NRG1: variants seen among roughly 807,000 people sequenced by gnomAD.
NRG1 encodes the protein neuregulin 1.
A neutral mutation model predicts 63.8 loss-of-function variants in NRG1; 18 were observed. The observed-to-expected ratio is 0.28, with a 90% CI of 0.19 to 0.42. NRG1 has a LOEUF of 0.42. Among genes scored for constraint, NRG1 ranks in the 10% least tolerant of loss-of-function variants. The pLI, the probability that NRG1 is intolerant of heterozygous loss-of-function variation, is 1.00. For synonymous variants in NRG1, 302 were observed against 301.3 expected (o/e 1.00, Z -0.02); for missense variants, 762 against 814.7 (o/e 0.94, Z 0.79).
chr8:31,930,529 T>C (rs956838502), intron 1 of NRG1, among the ~76,000 whole-genome samples: 8 of 152,230 alleles, frequency 5.3e-5, no homozygotes, highest in African/African-American at 1.7e-4. Context: ...TCATAATTGT[T>C]GCTTTCTAAA....
chr8:31,935,054 A>G (rs2615838), intron 1 of NRG1, among the ~76,000 whole-genome samples: 137,277 of 152,076 alleles, frequency 0.9, 62,787 homozygotes, highest in African/African-American at 0.98. Context: ...GGGCTCAAGC[A>G]ATCCTCCTGC....
intron 1 of NRG1, among the ~76,000 whole-genome samples, chr8:32,031,703 C>A (rs898437796): frequency 1.3e-5 from 2 of 152,114 alleles, no homozygotes; most frequent in Admixed American, 6.6e-5. Flanking sequence ...TAAGTGAGAA[C>A]GTGTGGTATT....
chr8:32,571,872 A>G (rs759350088), intron 1 of NRG1, among the ~76,000 whole-genome samples: 3 of 152,162 alleles, frequency 2.0e-5, no homozygotes, highest in Non-Finnish European at 2.9e-5. Flanking sequence ...CAGTGACCAT[A>G]TATGCTCATT....
At chr8:31,971,276 T>G (rs1201320720) in intron 1 of NRG1, among the ~76,000 whole-genome samples, 1 of 152,216 alleles carries the variant, frequency 6.6e-6, no homozygotes, top group East Asian at 1.9e-4. Context: ...TTCTTAATTT[T>G]GATGAAGTCT....
intron 1 of NRG1, among the ~76,000 whole-genome samples, chr8:32,011,125 G>A (rs1219198428): frequency 6.6e-6 from 1 of 152,006 alleles, no homozygotes; most frequent in African/African-American, 2.4e-5. Context: ...TTTTGTTATG[G>A]CAAATCTCTA....
intron 1 of NRG1, among the ~76,000 whole-genome samples, chr8:32,526,046 A>ATC (rs1053707488): frequency 2.6e-5 from 4 of 152,200 alleles, no homozygotes; most frequent in Non-Finnish European, 4.4e-5. Flanking sequence ...ACAAATTACC[A>ATC]TAAACTTAGT....
chr8:32,422,583 G>A (rs571138268), intron 1 of NRG1, among the ~76,000 whole-genome samples: 1 of 152,102 alleles, frequency 6.6e-6, no homozygotes, highest in East Asian at 1.9e-4. Flanking sequence ...AGAATTGTTG[G>A]GACAAAAGAT....
intron 1 of NRG1, among the ~76,000 whole-genome samples, chr8:32,340,888 A>T (rs547077851): frequency 5.3e-4 from 80 of 152,232 alleles, no homozygotes; most frequent in African/African-American, 1.9e-3. Flanking sequence ...CCATTTTTTT[A>T]TGCACTGCCT....
intron 1 of NRG1, among the ~76,000 whole-genome samples, chr8:32,403,964 G>C (rs1299975138): frequency 2.0e-5 from 3 of 152,136 alleles, no homozygotes; most frequent in African/African-American, 7.2e-5. Flanking sequence ...AGCAGGTAGT[G>C]CCTTTAAAAA....
At chr8:31,848,568 G>A (rs1461377033) in intron 1 of NRG1, among the ~76,000 whole-genome samples, 4 of 152,192 alleles carry the variant, frequency 2.6e-5, no homozygotes, top group Admixed American at 2.0e-4. Context: ...GAGGCGAGCT[G>A]CAGGTGAGTG....
chr8:32,043,787 T>C (rs1820474924), intron 1 of NRG1, among the ~76,000 whole-genome samples: 1 of 151,974 alleles, frequency 6.6e-6, no homozygotes, highest in African/African-American at 2.4e-5. Context: ...AAATTTTTTT[T>C]TGTATACACA....
intron 1 of NRG1, among the ~76,000 whole-genome samples, chr8:32,292,574 C>G (rs61110549): frequency 1.8e-4 from 27 of 152,206 alleles, no homozygotes; most frequent in Non-Finnish European, 3.1e-4. Flanking sequence ...CTCTCTTGCT[C>G]TCTCTCTCTG....
chr8:31,940,461 A>G (rs990060609), intron 1 of NRG1, among the ~76,000 whole-genome samples: 1 of 152,118 alleles, frequency 6.6e-6, no homozygotes, highest in African/African-American at 2.4e-5. Context: ...GAAAGAGCAC[A>G]AATAGACAAT....
intron 1 of NRG1, among the ~76,000 whole-genome samples, chr8:31,654,500 C>T (rs34178358): frequency 0.23 from 35,091 of 152,156 alleles, 4,279 homozygotes; most frequent in Admixed American, 0.27. Flanking sequence ...ATGTGCCTTT[C>T]GGTGTCATCT....
chr8:31,938,608 C>G (rs901563297), intron 1 of NRG1, among the ~76,000 whole-genome samples: 1 of 152,078 alleles, frequency 6.6e-6, no homozygotes, highest in Non-Finnish European at 1.5e-5. Context: ...TTATTAAGCT[C>G]ATCAAGGAGG....
intron 1 of NRG1, among the ~76,000 whole-genome samples, chr8:32,180,570 G>T (rs78488256): frequency 0.018 from 2,667 of 151,838 alleles, 82 homozygotes; most frequent in African/African-American, 0.059. Context: ...GGTTTCTATT[G>T]GTGACAAAAA....
In NRG1 at chr8:32,166,781, C is replaced by T. The variant is rs11787328; in HGVS notation, c.38-429047C>T. Reference sequence around the variant, plus strand: ...TATCCCCAGAGTTCATTGTCTGTATCTGTAGGTAATGGAGGCTTAACTGGC... The same window carrying T: ...TATCCCCAGAGTTCATTGTCTGTATTTGTAGGTAATGGAGGCTTAACTGGC... On this transcript the variant is annotated intron_variant, in intron 1 of 10. Coordinates refer to the NRG1 transcript ENST00000519301. 9.1e-3 allele frequency among the ~76,000 whole-genome samples: 1,386 copies of T among 152,266 alleles called. 12 individuals carry two copies. The highest frequency in any genetic ancestry group is 0.016 in the Non-Finnish European group (1,068 of 68,010).
At chr8:31,721,612 A>G (rs1339762567) in intron 1 of NRG1, among the ~76,000 whole-genome samples, 1 of 152,156 alleles carries the variant, frequency 6.6e-6, no homozygotes, top group Non-Finnish European at 1.5e-5. Context: ...AACTAAGGCT[A>G]TATCATGGCT....
chr8:32,402,057 G>A (rs372820562), intron 1 of NRG1, among the ~76,000 whole-genome samples: 16 of 152,102 alleles, frequency 1.1e-4, no homozygotes, highest in East Asian at 3.9e-4. Context: ...GACAACAGGC[G>A]CCTACCACAA....
Sources: allele counts gnomAD v4.1 joint callset (sites outside exome capture counted in the v4.1 genomes callset), GRCh38; gene constraint gnomAD v4.1.1; transcripts MANE v1.5; gene names NCBI Gene and HGNC (gene_info 2026-07-23, HGNC 2026-07-21).